The following HSD17B12 variants were observed in gnomAD, a reference collection of about 807,000 sequenced individuals.
HSD17B12 encodes very-long-chain 3-oxoacyl-CoA reductase.
HSD17B12 carries 32 observed loss-of-function variants against 39.3 expected under a neutral mutation model. The ratio of observed to expected loss-of-function variants is 0.81; its 90% CI spans 0.61 to 1.09. The LOEUF (loss-of-function observed/expected upper bound fraction) is 1.09, where lower values mean the gene tolerates loss of function less well. Among genes scored for constraint, HSD17B12 ranks in the 50% least tolerant of loss-of-function variants. The probability of loss-of-function intolerance (pLI) is 0.00; values close to 1 mark genes in which losing one functional copy is unlikely to be tolerated. For missense variants in HSD17B12, 342 were observed against 382.9 expected (o/e 0.89, Z 0.89); for synonymous variants, 150 against 146.7 (o/e 1.02, Z -0.16).
At chr11:43,853,138 C>A (rs1457998143) in intron 9 of HSD17B12, 2 of 152,152 alleles carry the variant, frequency 1.3e-5, no homozygotes, top group South Asian at 4.1e-4. Flanking sequence ...GAGATCGAGA[C>A]CATCCTGGCT....
the HSD17B12 span, among the ~76,000 whole-genome samples, chr11:43,667,558 C>T: frequency 6.6e-6 from 1 of 152,146 alleles, no homozygotes; most frequent in Non-Finnish European, 1.5e-5. Flanking sequence ...TATCCTTTAT[C>T]CAAAATGCTT....
intron 8 of HSD17B12, among the ~76,000 whole-genome samples, chr11:43,839,206 T>A (rs1951400178): frequency 6.6e-6 from 1 of 152,124 alleles, no homozygotes; most frequent in African/African-American, 2.4e-5. Context: ...CTCCGACTTC[T>A]TTTTCATGTG....
chr11:43,750,906 C>T lies in HSD17B12; in HGVS notation c.161-5C>T, dbSNP rs752171950. On this transcript the variant is annotated splice_region_variant and splice_polypyrimidine_tract_variant and intron_variant, in intron 1 of 10. Transcript: ENST00000278353. ...ACTAAACTATTGCTTTTTTCCCTTT[C>T]CCAGTTGTCACAGGTAGTACTGATG... 1 of 1,596,138 alleles carries T rather than the reference C, an allele frequency of 6.3e-7. No individual in the cohort carries two copies. The highest frequency in any genetic ancestry group is 1.7e-5 in the Admixed American group (1 of 58,274).
At chr11:43,648,974 C>T in the HSD17B12 span, among the ~76,000 whole-genome samples, 9 of 152,206 alleles carry the variant, frequency 5.9e-5, no homozygotes, top group Admixed American at 1.3e-4. Flanking sequence ...TCAGGCGTTC[C>T]GCCTGCCTCA....
chr11:43,570,046 C>T, the HSD17B12 span: 1 of 152,610 alleles, frequency 6.6e-6, no homozygotes, highest in Non-Finnish European at 1.5e-5. Context: ...TTCTCCTATT[C>T]CTCCCTCATG....
chr11:43,849,551 C>T (rs906432562), intron 9 of HSD17B12, among the ~76,000 whole-genome samples: 1 of 152,156 alleles, frequency 6.6e-6, no homozygotes, highest in African/African-American at 2.4e-5. Flanking sequence ...GTCTCAAAGG[C>T]TCTTCACCCA....
chr11:43,834,781 T>C (rs1465344324), intron 7 of HSD17B12, among the ~76,000 whole-genome samples: 1 of 152,002 alleles, frequency 6.6e-6, no homozygotes, highest in African/African-American at 2.4e-5. Context: ...TTTTATAGAG[T>C]TGGGCGAATT....
chr11:43,824,473 A>C (rs185599894), intron 6 of HSD17B12, among the ~76,000 whole-genome samples: 1 of 152,338 alleles, frequency 6.6e-6, no homozygotes, highest in Admixed American at 6.5e-5. Context: ...GTCTAAGATC[A>C]GTGCCCCACC....
chr11:43,690,398 A>ATTTTTTTTTT (rs1303064530), intron 1 of HSD17B12, among the ~76,000 whole-genome samples: 5 of 27,476 alleles, frequency 1.8e-4, no homozygotes, highest in Non-Finnish European at 2.9e-4. Flanking sequence ...ATATATATAT[A>ATTTTTTTTTT]TATATATTTT....
chr11:43,587,955 C>G, the HSD17B12 span, among the ~76,000 whole-genome samples: 1 of 152,168 alleles, frequency 6.6e-6, no homozygotes, highest in Non-Finnish European at 1.5e-5. Flanking sequence ...TGTAGCACAG[C>G]AAGGGGCTTT....
chr11:43,648,575 A>G, the HSD17B12 span, among the ~76,000 whole-genome samples: 13 of 152,340 alleles, frequency 8.5e-5, no homozygotes, highest in South Asian at 2.1e-4. Context: ...TTATTAGGAC[A>G]GTATAAGGAG....
chr11:43,778,458 A>G (rs1390169049), intron 3 of HSD17B12, among the ~76,000 whole-genome samples: 2 of 152,088 alleles, frequency 1.3e-5, no homozygotes, highest in East Asian at 3.9e-4. Context: ...CAATAGAAAA[A>G]GAGGGAATCC....
chr11:43,666,149 T>C, the HSD17B12 span, among the ~76,000 whole-genome samples: 6 of 152,168 alleles, frequency 3.9e-5, no homozygotes, highest in Admixed American at 2.0e-4. Flanking sequence ...TTAGAGCCCT[T>C]AGGCATGCTA....
the HSD17B12 span, among the ~76,000 whole-genome samples, chr11:43,637,063 G>T: frequency 6.6e-6 from 1 of 152,234 alleles, no homozygotes; most frequent in South Asian, 2.1e-4. Context: ...ATAAAATGAG[G>T]ATGATAATAG....
intron 4 of HSD17B12, among the ~76,000 whole-genome samples, chr11:43,805,390 G>A (rs1951008436): frequency 6.6e-6 from 1 of 152,154 alleles, no homozygotes; most frequent in African/African-American, 2.4e-5. Context: ...ATTTTAAAAT[G>A]GAGAACAATA....
chr11:43,703,246 G>A (rs866682452), intron 1 of HSD17B12, among the ~76,000 whole-genome samples: 5 of 152,066 alleles, frequency 3.3e-5, no homozygotes, highest in Admixed American at 6.5e-5. Context: ...CCAGGCTGGA[G>A]TGCAGTGGCG....
rs116793257 is a variant in HSD17B12 at position 43,712,653 on chromosome 11, T to C, written c.160+31666T>C. ...ATTGGTGTATATATCTTCCCTAAGA[T>C]GTATAAAAGCAAGCTGTACCCCAAC... On this transcript the variant is annotated intron_variant, in intron 1 of 10. Transcript: ENST00000278353. Among the ~76,000 whole-genome samples, 936 of 152,168 alleles carry C rather than the reference T, an allele frequency of 6.2e-3. 16 individuals carry two copies. Among genetic ancestry groups the C allele is most frequent in the African/African-American group, 0.021 (877 of 41,528 alleles).
At chr11:43,634,678 A>C in the HSD17B12 span, among the ~76,000 whole-genome samples, 1 of 152,194 alleles carries the variant, frequency 6.6e-6, no homozygotes, top group East Asian at 1.9e-4. Context: ...TCTTGTATCC[A>C]GTTCTCTCCA....
At chr11:43,615,028 A>G in the HSD17B12 span, among the ~76,000 whole-genome samples, 99,278 of 151,862 alleles carry the variant, frequency 0.65, 33,091 homozygotes, top group East Asian at 0.81. Context: ...TTTTTTCATC[A>G]TGCACTAGAC....
Sources: gnomAD v4.1 joint callset for allele counts (sites outside exome capture counted in the v4.1 genomes callset) on GRCh38, gnomAD v4.1.1 for gene constraint, MANE v1.5 for transcripts, NCBI Gene and HGNC (gene_info 2026-07-23, HGNC 2026-07-21) for gene names.